ZNF782: variants seen among roughly 807,000 people sequenced by gnomAD.
ZNF782 encodes the protein zinc finger protein 782.
Under a neutral mutation model 13.0 loss-of-function variants are expected in ZNF782, and 12 were observed. That is an observed-to-expected ratio of 0.92 (90% CI 0.59 to 1.50). The LOEUF is 1.50. Among genes scored for constraint, ZNF782 ranks in the 40% most tolerant of loss-of-function variants. The probability of loss-of-function intolerance (pLI) is 0.00; values close to 1 mark genes in which losing one functional copy is unlikely to be tolerated. For synonymous variants in ZNF782, 284 were observed against 283.0 expected (o/e 1.00, Z -0.04); for missense variants, 770 against 822.9 (o/e 0.94, Z 0.79).
At chr9:96,887,262 G>C in the ZNF782 span, 1 of 144,998 alleles carries the variant, frequency 6.9e-6, no homozygotes, top group Non-Finnish European at 1.5e-5. Flanking sequence ...TGGGCAACAA[G>C]AGCAAGACTC....
At position 96,817,974 on chromosome 9, in the gene ZNF782, G is replaced by T. The variant is rs2118229416; in HGVS notation, c.2049C>A (p.Phe683Leu). ...GTTCTCTAAGGCTTGATTTTTGACT[G>T]AAAGTTCTCCCACATTTATCACATT... is the stretch of plus-strand genomic sequence containing the variant. ...PYKCDKCGRT[F>L]SQKSSLREHQ... Residue 683 changes from phenylalanine to leucine, a missense_variant, in exon 6 of 6, where the codon TTC becomes TTA. By Grantham distance (22) the Phe-to-Leu change is conservative. Coordinates refer to ENST00000481138, the MANE Select transcript of ZNF782 (RefSeq NM_001001662.3). 1 of 1,604,802 alleles carries T rather than the reference G, an allele frequency of 6.2e-7. No individual in the cohort carries two copies. The highest frequency in any genetic ancestry group is 2.2e-5 in the East Asian group (1 of 44,816).
the ZNF782 span, chr9:96,931,736 G>A: frequency 1.2e-6 from 2 of 1,611,542 alleles, no homozygotes; most frequent in Non-Finnish European, 8.5e-7. Context: ...CCCAGTGCTG[G>A]GACCCGGCGT....
chr9:96,920,501 C>T, the ZNF782 span, among the ~76,000 whole-genome samples: 1 of 148,074 alleles, frequency 6.8e-6, no homozygotes. Context: ...CTCCTGACCT[C>T]ATGATCCGCC....
intron 4 of ZNF782, among the ~76,000 whole-genome samples, chr9:96,836,611 A>G (rs1304856019): frequency 6.6e-6 from 1 of 152,114 alleles, no homozygotes; most frequent in African/African-American, 2.4e-5. Flanking sequence ...TATATTTTGT[A>G]TATGAGAAGG....
the ZNF782 span, chr9:96,932,567 A>G: frequency 2.3e-6 from 3 of 1,284,234 alleles, no homozygotes; most frequent in Non-Finnish European, 3.3e-6. Flanking sequence ...TTTCAGCAAC[A>G]TTAATCTGGC....
chr9:96,883,153 A>C, the ZNF782 span, among the ~76,000 whole-genome samples: 2 of 152,190 alleles, frequency 1.3e-5, no homozygotes, highest in African/African-American at 2.4e-5. Flanking sequence ...ACTAAACACG[A>C]AACACCAAGG....
At chr9:96,915,401 G>A in the ZNF782 span, among the ~76,000 whole-genome samples, 13 of 150,202 alleles carry the variant, frequency 8.7e-5, no homozygotes, top group African/African-American at 2.0e-4. Context: ...CTCCTAGGCC[G>A]GGCACCGTGG....
the ZNF782 span, chr9:96,889,727 T>G: frequency 6.6e-6 from 1 of 152,206 alleles, no homozygotes; most frequent in East Asian, 1.9e-4. Context: ...TAAAGAGTAC[T>G]TATTAATTTC....
rs541044387 is a variant in ZNF782, at chr9:96,822,989, T to C, written c.245-3211A>G. Among the ~76,000 whole-genome samples, 9 of 152,346 alleles carry C rather than the reference T, an allele frequency of 5.9e-5. No homozygotes were observed. In the South Asian group the frequency reaches 1.2e-3, roughly 21 times the overall value. On this transcript the variant is annotated intron_variant, in intron 5 of 5. Coordinates refer to ENST00000481138, the MANE Select transcript of ZNF782 (RefSeq NM_001001662.3). ...ACTTTTATATTTTGTCAGGGTCCCATGGTCATTTTAAAAAGGGTTCATTCT... is the reference window on the plus strand; with the variant it reads ...ACTTTTATATTTTGTCAGGGTCCCACGGTCATTTTAAAAAGGGTTCATTCT...
chr9:96,842,022 A>G (rs1241464696), intron 4 of ZNF782, among the ~76,000 whole-genome samples: 1 of 152,034 alleles, frequency 6.6e-6, no homozygotes, highest in African/African-American at 2.4e-5. Flanking sequence ...AAGAACAAAC[A>G]TACAAAAATC....
chr9:96,845,106 A>C (rs1003588073), intron 3 of ZNF782, 90 bp from the exon 4 acceptor site: 11 of 1,513,952 alleles, frequency 7.3e-6, no homozygotes, highest in African/African-American at 1.4e-5. Flanking sequence ...TTTACTGTTG[A>C]GAATTTAAAA....
chr9:96,910,652 T>A, the ZNF782 span, among the ~76,000 whole-genome samples: 1 of 151,022 alleles, frequency 6.6e-6, no homozygotes, highest in South Asian at 2.1e-4. Context: ...TTTTCTTTTT[T>A]TTGAGGCAGA....
At chr9:96,859,566 T>A (rs1359743389) in intron 3 of ZNF782, among the ~76,000 whole-genome samples, 2 of 152,118 alleles carry the variant, frequency 1.3e-5, no homozygotes, top group East Asian at 3.9e-4. Context: ...AATGGCAGGA[T>A]TCTTCACTAT....
chr9:96,824,202 C>T (rs2118393652), intron 5 of ZNF782, among the ~76,000 whole-genome samples: 1 of 150,678 alleles, frequency 6.6e-6, no homozygotes, highest in South Asian at 2.1e-4. Flanking sequence ...AAAGCTTATC[C>T]ACCATGATCA....
chr9:96,917,283 A>G, the ZNF782 span, among the ~76,000 whole-genome samples: 1 of 144,432 alleles, frequency 6.9e-6, no homozygotes, highest in Non-Finnish European at 1.5e-5. Context: ...ATTCGCATCT[A>G]GAAATGTATT....
intron 1 of ZNF782, among the ~76,000 whole-genome samples, chr9:96,866,123 T>G (rs957692451): frequency 2.0e-5 from 3 of 152,194 alleles, no homozygotes; most frequent in Admixed American, 2.0e-4. Context: ...TTTGCATAAG[T>G]AATGAGGAGC....
chr9:96,827,797 T>C (rs1478675171), intron 4 of ZNF782, among the ~76,000 whole-genome samples: 1 of 152,046 alleles, frequency 6.6e-6, no homozygotes. Flanking sequence ...AAACAAAATA[T>C]AAAAAATGGT....
chr9:96,832,788 T>C (rs55870228), intron 4 of ZNF782, among the ~76,000 whole-genome samples: 2,130 of 152,328 alleles, frequency 0.014, 26 homozygotes, highest in South Asian at 0.033. Context: ...TAATTATGCT[T>C]CTTGGCATGA....
the ZNF782 span, chr9:96,931,983 A>C: frequency 2.5e-6 from 4 of 1,611,352 alleles, no homozygotes; most frequent in Non-Finnish European, 3.4e-6. Flanking sequence ...GGGCCTGTGA[A>C]GCCCCCTCAG....
Sources: gnomAD v4.1 joint callset for allele counts (sites outside exome capture counted in the v4.1 genomes callset) on GRCh38, gnomAD v4.1.1 for gene constraint, MANE v1.5 for transcripts, NCBI Gene and HGNC (gene_info 2026-07-23, HGNC 2026-07-21) for gene names.